The following EPHA6 variants were observed in gnomAD, a reference collection of about 807,000 sequenced individuals.
EPHA6 encodes ephrin type-A receptor 6.
Under a neutral mutation model 112.0 loss-of-function variants are expected in EPHA6, and 50 were observed. The observed-to-expected ratio is 0.45, with a 90% CI of 0.36 to 0.56. The LOEUF (loss-of-function observed/expected upper bound fraction) is 0.56. Among genes scored for constraint, EPHA6 ranks in the 20% least tolerant of loss-of-function variants. The pLI, the probability that EPHA6 is intolerant of heterozygous loss-of-function variation, is 0.00. For missense variants in EPHA6, 1,280 were observed against 1,417.4 expected, an observed-to-expected ratio of 0.90 and a Z score of 1.56; for synonymous variants, 529 against 490.7, an observed-to-expected ratio of 1.08 and a Z score of -1.03.
At chr3:97,304,428 A>C (rs1220568918) in intron 5 of EPHA6, among the ~76,000 whole-genome samples, 1 of 152,016 alleles carries the variant, frequency 6.6e-6, no homozygotes, top group African/African-American at 2.4e-5. Flanking sequence ...AAAAGAGCTC[A>C]TATAGCCAAG....
rs1423429306 is a variant in EPHA6 at position 97,720,367 on chromosome 3, T to G, written c.2891T>G (p.Met964Arg). ...TATGGCATTGTCATGTGGGAGGTCA[T>G]GTCCTATGGAGAGAGACCTTATTGG... ...WSYGIVMWEV[M>R]SYGERPYWEM... Residue 964 changes from methionine (M) to arginine (R), a missense_variant, in exon 15 of 18, where the codon ATG (methionine) becomes AGG (arginine). Physicochemically the swap from Met to Arg is moderately conservative, Grantham distance 91. Coordinates refer to ENST00000389672, the MANE Select transcript of EPHA6 (RefSeq NM_001080448.3). 6.2e-7 allele frequency: 1 copy of G among 1,609,318 alleles called. No individual in the cohort carries two copies. The highest frequency in any genetic ancestry group is 1.7e-5 in the Admixed American group (1 of 59,286).
chr3:96,836,761 C>G (rs549046172), intron 1 of EPHA6, among the ~76,000 whole-genome samples: 15 of 152,272 alleles, frequency 9.9e-5, no homozygotes, highest in African/African-American at 3.4e-4. Context: ...GTGCACACTT[C>G]AGTCCTGCAG....
chr3:97,488,405 C>T (rs1383958724), intron 10 of EPHA6, among the ~76,000 whole-genome samples: 1 of 152,178 alleles, frequency 6.6e-6, no homozygotes, highest in African/African-American at 2.4e-5. Context: ...TATTTCGATT[C>T]TGTTATTCCG....
At chr3:97,272,331 TG>T (rs1168110362) in intron 5 of EPHA6, among the ~76,000 whole-genome samples, 7 of 138,852 alleles carry the variant, frequency 5.0e-5, no homozygotes, top group African/African-American at 1.8e-4. Flanking sequence ...TGTGTGTGTG[TG>T]TACATACATA....
chr3:97,631,907 T>C (rs1266294645), intron 13 of EPHA6, among the ~76,000 whole-genome samples: 1 of 152,008 alleles, frequency 6.6e-6, no homozygotes, highest in African/African-American at 2.4e-5. Context: ...CCATAGATCT[T>C]TGACAGTTTC....
At position 97,754,920 on chromosome 3, in the gene EPHA6, G is replaced by A. The variant is rs2035989367; in HGVS notation, c.*6219G>A. Among the ~76,000 whole-genome samples the A allele has an allele frequency of 6.6e-6, 1 of 152,026 alleles. No homozygotes were observed. The highest frequency in any genetic ancestry group is 1.9e-4 in the East Asian group (1 of 5,174). On this transcript the variant is annotated 3_prime_UTR_variant, in exon 18 of 18. Coordinates refer to ENST00000389672, the MANE Select transcript of EPHA6 (RefSeq NM_001080448.3). ...GAGTTTCACCGTGTTAGCCAGGATG[G>A]TCTCGATCTCCTGACCTGGTGATCC...
chr3:97,719,829 C>T (rs566196565), intron 14 of EPHA6, among the ~76,000 whole-genome samples: 185 of 152,124 alleles, frequency 1.2e-3, no homozygotes, highest in African/African-American at 3.8e-3. Flanking sequence ...AGAATGTTTC[C>T]GTTCTGTATT....
intron 1 of EPHA6, among the ~76,000 whole-genome samples, chr3:96,818,205 T>C (rs1168917953): frequency 6.6e-6 from 1 of 152,014 alleles, no homozygotes; most frequent in East Asian, 1.9e-4. Context: ...TCTTGCTTCA[T>C]GTATAAGTTA....
chr3:97,640,579 C>T (rs1379181707), intron 14 of EPHA6, among the ~76,000 whole-genome samples: 1 of 150,740 alleles, frequency 6.6e-6, no homozygotes, highest in Non-Finnish European at 1.5e-5. Context: ...GAGACCAGCC[C>T]GACCAATATG....
chr3:97,404,614 A>C (rs1016871475), intron 5 of EPHA6, among the ~76,000 whole-genome samples: 1 of 152,178 alleles, frequency 6.6e-6, no homozygotes, highest in East Asian at 1.9e-4. Context: ...AAATATTTTA[A>C]CTTTGTTTAA....
At chr3:97,719,499 C>T (rs1435310259) in intron 14 of EPHA6, among the ~76,000 whole-genome samples, 1 of 151,864 alleles carries the variant, frequency 6.6e-6, no homozygotes, top group East Asian at 1.9e-4. Context: ...CTTGTCATTA[C>T]AGTAAAAAGG....
At chr3:97,367,789 T>C (rs2084822672) in intron 5 of EPHA6, among the ~76,000 whole-genome samples, 3 of 152,096 alleles carry the variant, frequency 2.0e-5, no homozygotes, top group Admixed American at 2.0e-4. Context: ...TTAATACAAC[T>C]AGCCAGAATA....
intron 5 of EPHA6, among the ~76,000 whole-genome samples, chr3:97,341,361 CTTT>C (rs1193529314): frequency 6.9e-6 from 1 of 144,962 alleles, no homozygotes. Flanking sequence ...CTTTTCTTTC[CTTT>C]TTTTTTTTTC....
At chr3:97,127,582 G>A (rs2048216954) in intron 3 of EPHA6, among the ~76,000 whole-genome samples, 2 of 152,136 alleles carry the variant, frequency 1.3e-5, no homozygotes, top group African/African-American at 2.4e-5. Context: ...TTAGCTGGGC[G>A]CAGTGGTGCA....
In EPHA6 at chr3:97,749,310, G is replaced by A. The variant is rs894345998; in HGVS notation, c.*609G>A. ...GGTGAGAAGGGGGTTATTAGGGAGGGAGAAAAAAATACTGTGTTTATAAAT... is the reference window on the plus strand; with the variant it reads ...GGTGAGAAGGGGGTTATTAGGGAGGAAGAAAAAAATACTGTGTTTATAAAT... On this transcript the variant is annotated 3_prime_UTR_variant, in exon 18 of 18. Coordinates refer to ENST00000389672, the MANE Select transcript of EPHA6 (RefSeq NM_001080448.3). 1.9e-5 allele frequency: 4 copies of A among 214,624 alleles called. No individual in the cohort carries two copies. In the East Asian group the frequency reaches 2.1e-4, roughly 11 times the overall value. 13.3% of individuals were successfully genotyped at this position (214,624 alleles called of 1,614,324 possible).
At chr3:97,680,592 A>G (rs2031785164) in intron 14 of EPHA6, among the ~76,000 whole-genome samples, 1 of 152,226 alleles carries the variant, frequency 6.6e-6, no homozygotes, top group Non-Finnish European at 1.5e-5. Context: ...TCAGATTTAG[A>G]CATTTGACAT....
chr3:96,871,401 A>T (rs2036615414), intron 2 of EPHA6, among the ~76,000 whole-genome samples: 1 of 152,038 alleles, frequency 6.6e-6, no homozygotes, highest in Non-Finnish European at 1.5e-5. Flanking sequence ...TATCATTAGG[A>T]GTAGTGCAAG....
At chr3:97,031,321 T>C (rs967692565) in intron 3 of EPHA6, among the ~76,000 whole-genome samples, 1 of 152,054 alleles carries the variant, frequency 6.6e-6, no homozygotes, top group Non-Finnish European at 1.5e-5. Context: ...ACTTAAATGT[T>C]AGACGTAAAA....
At chr3:97,481,669 C>T (rs995497209) in intron 9 of EPHA6, among the ~76,000 whole-genome samples, 7 of 151,948 alleles carry the variant, frequency 4.6e-5, no homozygotes, top group African/African-American at 1.4e-4. Flanking sequence ...CTTCAACGGC[C>T]GCCCGGCCCC....
Sources: allele counts gnomAD v4.1 joint callset (sites outside exome capture counted in the v4.1 genomes callset), GRCh38; gene constraint gnomAD v4.1.1; transcripts MANE v1.5; gene names NCBI Gene and HGNC (gene_info 2026-07-23, HGNC 2026-07-21).